EHBP1: variants seen among roughly 807,000 people sequenced by gnomAD.
EHBP1 encodes the protein EH domain binding protein 1, also known as EH domain-binding protein 1.
Under a neutral mutation model 144.0 loss-of-function variants are expected in EHBP1, and 55 were observed. The ratio of observed to expected loss-of-function variants is 0.38; its 90% CI spans 0.31 to 0.48. The LOEUF (loss-of-function observed/expected upper bound fraction) is 0.48. Among genes scored for constraint, EHBP1 ranks in the 20% least tolerant of loss-of-function variants. The pLI is 0.98. For synonymous variants in EHBP1, 469 were observed against 472.7 expected (o/e 0.99, Z 0.10); for missense variants, 1,200 against 1,364.2 (o/e 0.88, Z 1.90).
At chr2:62,685,515 T>G (rs2033689372) in intron 1 of EHBP1, among the ~76,000 whole-genome samples, 1 of 152,162 alleles carries the variant, frequency 6.6e-6, no homozygotes, top group Non-Finnish European at 1.5e-5. Context: ...CAGTGTCCCC[T>G]TTTGATAAGG....
At chr2:62,732,664 C>G (rs996906233) in intron 2 of EHBP1, among the ~76,000 whole-genome samples, 1 of 152,152 alleles carries the variant, frequency 6.6e-6, no homozygotes, top group South Asian at 2.1e-4. Context: ...GAGGCCTCCC[C>G]GAAAGCTGTC....
intron 10 of EHBP1, among the ~76,000 whole-genome samples, chr2:62,931,064 A>G (rs746334715): frequency 2.6e-5 from 4 of 152,208 alleles, no homozygotes; most frequent in African/African-American, 9.7e-5. Flanking sequence ...AAAGAACACA[A>G]TCAACAGAGG....
chr2:62,775,687 G>T (rs1035947288), intron 5 of EHBP1, among the ~76,000 whole-genome samples: 1 of 152,072 alleles, frequency 6.6e-6, no homozygotes, highest in African/African-American at 2.4e-5. Context: ...TATGTACCAG[G>T]TACTATGTAT....
chr2:62,857,742 A>C (rs1157633961), intron 7 of EHBP1, among the ~76,000 whole-genome samples: 1 of 152,174 alleles, frequency 6.6e-6, no homozygotes, highest in Non-Finnish European at 1.5e-5. Context: ...TAGATGACTC[A>C]TGTAAAAAAT....
At chr2:62,891,795 CTT>C (rs911695674) in intron 10 of EHBP1, among the ~76,000 whole-genome samples, 14 of 152,104 alleles carry the variant, frequency 9.2e-5, no homozygotes, top group Middle Eastern at 6.8e-3. Context: ...GCTTAGGAAA[CTT>C]TTAATTTTTT....
At chr2:63,026,294 T>TTGTGTGTGTGTGTGTGTGTGTGTG (rs60109170) in intron 19 of EHBP1, among the ~76,000 whole-genome samples, 1 of 129,024 alleles carries the variant, frequency 7.8e-6, no homozygotes, top group Admixed American at 8.0e-5. Context: ...GCTCTCTACC[T>TTGTGTGTGTGTGTGTGTGTGTGTG]TGTGTGTGTG....
At chr2:62,787,394 G>GGCCCCCCC (rs2042883266) in intron 5 of EHBP1, among the ~76,000 whole-genome samples, 1 of 70,488 alleles carries the variant, frequency 1.4e-5, no homozygotes, top group Non-Finnish European at 2.8e-5. Context: ...CTGCACCGCT[G>GGCCCCCCC]CCCCCCCCCC....
chr2:62,890,680 G>A (rs2052383731), intron 10 of EHBP1, among the ~76,000 whole-genome samples: 1 of 152,166 alleles, frequency 6.6e-6, no homozygotes, highest in East Asian at 1.9e-4. Context: ...TATGTCGTCT[G>A]CATACAGGGA....
chr2:62,791,824 C>T (rs1020697631), intron 5 of EHBP1, among the ~76,000 whole-genome samples: 1 of 151,758 alleles, frequency 6.6e-6, no homozygotes, highest in African/African-American at 2.4e-5. Context: ...AAGAATACTG[C>T]CCAAATGTTA....
At chr2:62,831,253 G>T in intron 7 of EHBP1, 95 bp downstream of exon 7, 1 of 1,265,134 alleles carries the variant, frequency 7.9e-7, no homozygotes, top group Non-Finnish European at 1.1e-6. Context: ...TCTACTTATT[G>T]GGTTTCTTTT....
At chr2:62,935,205 T>A (rs1479215682) in intron 10 of EHBP1, among the ~76,000 whole-genome samples, 1 of 151,604 alleles carries the variant, frequency 6.6e-6, no homozygotes, top group Non-Finnish European at 1.5e-5. Flanking sequence ...GGCGTGCACC[T>A]ATAGTCCCAG....
chr2:62,980,667 A>C (rs948431582), intron 15 of EHBP1, among the ~76,000 whole-genome samples: 1 of 151,958 alleles, frequency 6.6e-6, no homozygotes, highest in Non-Finnish European at 1.5e-5. Flanking sequence ...TGGTCTTCTC[A>C]GAATGTCTGT....
intron 10 of EHBP1, among the ~76,000 whole-genome samples, chr2:62,941,892 A>G (rs2056775582): frequency 6.6e-6 from 1 of 152,136 alleles, no homozygotes; most frequent in South Asian, 2.1e-4. Context: ...GTTGTTATTC[A>G]GTAAAAGAAA....
intron 10 of EHBP1, among the ~76,000 whole-genome samples, chr2:62,927,842 T>C (rs1274831626): frequency 1.3e-5 from 2 of 152,224 alleles, no homozygotes; most frequent in East Asian, 3.9e-4. Flanking sequence ...CCTGGATATA[T>C]GTTAAGCCAC....
intron 21 of EHBP1, among the ~76,000 whole-genome samples, chr2:63,039,724 C>A (rs558382047): frequency 2.6e-5 from 4 of 152,092 alleles, no homozygotes; most frequent in Non-Finnish European, 5.9e-5. Context: ...GCCTTATATT[C>A]TTAAAATATT....
chr2:63,046,085 GT>G lies in EHBP1; in HGVS notation c.*587del, dbSNP rs760109011. 2.0e-5 allele frequency: 3 copies of G among 153,024 alleles called. No individual in the cohort carries two copies. Among genetic ancestry groups the G allele is most frequent in the Non-Finnish European group, 4.4e-5 (3 of 68,384 alleles). 9.5% of individuals were successfully genotyped at this position (153,024 alleles called of 1,614,324 possible). A position where few individuals can be genotyped will look rare whatever the true frequency, so the allele number is the denominator to read the frequency against. ...TGCGTTTCACTGTAAGGATAATGGA[GT>G]TCCTCTCCTCTGCTTTCCTCAGAGG... On this transcript the variant is annotated 3_prime_UTR_variant, in exon 23 of 23. Coordinates refer to ENST00000431489, the MANE Select transcript of EHBP1 (RefSeq NM_001142616.3).
intron 14 of EHBP1, among the ~76,000 whole-genome samples, chr2:62,970,434 G>C (rs561348763): frequency 6.6e-6 from 1 of 151,998 alleles, no homozygotes; most frequent in African/African-American, 2.4e-5. Context: ...GCTTTTTTAT[G>C]TTATAAACAC....
chr2:62,854,853 G>A (rs1477810425), intron 7 of EHBP1, among the ~76,000 whole-genome samples: 1 of 152,230 alleles, frequency 6.6e-6, no homozygotes, highest in Middle Eastern at 3.2e-3. Context: ...CGGGAACTGG[G>A]GACAAGCAGG....
At chr2:62,711,671 G>A (rs1378152871) in intron 2 of EHBP1, among the ~76,000 whole-genome samples, 1 of 152,140 alleles carries the variant, frequency 6.6e-6, no homozygotes, top group East Asian at 1.9e-4. Flanking sequence ...AGCATATAGA[G>A]GTGAGGAAGG....
Sources: allele counts gnomAD v4.1 joint callset (sites outside exome capture counted in the v4.1 genomes callset), GRCh38; gene constraint gnomAD v4.1.1; transcripts MANE v1.5; gene names NCBI Gene and HGNC (gene_info 2026-07-23, HGNC 2026-07-21).